The following PTGIS variants were observed in gnomAD, a reference collection of about 807,000 sequenced individuals.
The protein encoded by PTGIS is prostacyclin synthase.
A neutral mutation model predicts 50.3 loss-of-function variants in PTGIS; 45 were observed. The observed-to-expected ratio is 0.90, with a 90% CI of 0.70 to 1.15. The LOEUF (loss-of-function observed/expected upper bound fraction) is 1.15, where lower values mean the gene tolerates loss of function less well. Among genes scored for constraint, PTGIS ranks in the 50% most tolerant of loss-of-function variants. The pLI is 0.00. For missense variants in PTGIS, 668 were observed against 661.3 expected (o/e 1.01, Z -0.11); for synonymous variants, 260 against 267.7 (o/e 0.97, Z 0.28).
At chr20:49,568,002 C>A (rs975043839) in intron 1 of PTGIS, 41 bp downstream of exon 1, 2 of 1,459,108 alleles carry the variant, frequency 1.4e-6, no homozygotes, top group South Asian at 1.3e-5. Flanking sequence ...GCGGGAGCCG[C>A]CCCCTTTGTC....
chr20:49,514,501 C>T (rs1981423531), intron 6 of PTGIS, 106 bp from the exon 7 acceptor site: 2 of 1,311,500 alleles, frequency 1.5e-6, no homozygotes, highest in African/African-American at 1.5e-5. Flanking sequence ...GGCCTGGGTT[C>T]CCACTGCTGC....
chr20:49,538,392 C>T (rs577067701), intron 5 of PTGIS, among the ~76,000 whole-genome samples: 16 of 151,240 alleles, frequency 1.1e-4, no homozygotes, highest in Non-Finnish European at 2.4e-4. Context: ...AGCAAGACTC[C>T]GTCTCAAAAA....
chr20:49,510,672 G>A (rs1601176196), intron 9 of PTGIS, among the ~76,000 whole-genome samples: 1 of 152,216 alleles, frequency 6.6e-6, no homozygotes, highest in South Asian at 2.1e-4. Flanking sequence ...AGTGAAGTTC[G>A]GCCAGTTCCT....
chr20:49,525,810 C>T (rs1473357411), intron 5 of PTGIS, among the ~76,000 whole-genome samples: 2 of 152,146 alleles, frequency 1.3e-5, no homozygotes, highest in African/African-American at 4.8e-5. Context: ...CTCTTCTGAA[C>T]CACAAGCCGT....
intron 6 of PTGIS, among the ~76,000 whole-genome samples, chr20:49,522,171 C>G (rs1018263944): frequency 9.2e-5 from 14 of 152,124 alleles, no homozygotes; most frequent in Non-Finnish European, 1.3e-4. Context: ...TGATCCAACT[C>G]TACTCTGCAA....
intron 6 of PTGIS, among the ~76,000 whole-genome samples, chr20:49,520,222 A>G (rs951697213): frequency 6.6e-6 from 1 of 151,980 alleles, no homozygotes; most frequent in African/African-American, 2.4e-5. Flanking sequence ...ATATATTTAC[A>G]TGGTTCACCC....
At position 49,539,631 on chromosome 20, in the gene PTGIS, G is replaced by A. The variant is rs1982172451; in HGVS notation, c.612C>T (p.Phe204=). 1 of 1,614,074 alleles carries A rather than the reference G, an allele frequency of 6.2e-7. No individual in the cohort carries two copies. Among genetic ancestry groups the A allele is most frequent in the East Asian group, 2.2e-5 (1 of 44,882 alleles). Residue 204 remains phenylalanine, a synonymous_variant, in exon 5 of 10, where the codon TTC becomes TTT. Transcript: ENST00000244043. ...AQDRVHSADV[F]HTFRQLDRLL... ...GCCGGTCGAGCTGGCGAAAGGTGTG[G>A]AAGACATCAGCTGAGTGGACGCGGT...
intron 3 of PTGIS, among the ~76,000 whole-genome samples, chr20:49,546,683 A>G (rs1360817578): frequency 6.6e-6 from 1 of 152,214 alleles, no homozygotes; most frequent in Non-Finnish European, 1.5e-5. Context: ...ACTTTGAGCA[A>G]GTCACTTCAC....
At position 49,507,517 on chromosome 20, in the gene PTGIS, G is replaced by A. The variant is rs569752965; in HGVS notation, c.*403C>T. The A allele has an allele frequency of 5.5e-5, 18 of 325,292 alleles. No homozygotes were observed. The highest frequency in any genetic ancestry group is 2.1e-4 in the African/African-American group (10 of 46,742). 20.2% of individuals were successfully genotyped at this position (325,292 alleles called of 1,614,324 possible). A position where few individuals can be genotyped will look rare whatever the true frequency, so the allele number is the denominator to read the frequency against. On this transcript the variant is annotated 3_prime_UTR_variant, in exon 10 of 10. Coordinates refer to ENST00000244043, the MANE Select transcript of PTGIS (RefSeq NM_000961.4). The stretch of plus-strand genomic sequence containing the variant: ...AGTGGCCTTTCTGTGGCCAGCATCC[G>A]CTTTGACTGGATAAGGCCCGGGCCA...
In PTGIS at chr20:49,538,186, T is replaced by C. The variant is rs117222401; in HGVS notation, c.673+1384A>G. Among the ~76,000 whole-genome samples, 124 of 145,944 alleles carry C rather than the reference T, an allele frequency of 8.5e-4. 2 individuals are homozygous for C. The East Asian group carries it at 0.019, about 22-fold the overall frequency. On this transcript the variant is annotated intron_variant, in intron 5 of 9. Transcript: ENST00000244043. ...GGAAGGATCACTTGATCCCAGGAGATTGAGGCTGCAGTGAGCCGAGATCGC... is the reference window on the plus strand; with the variant it reads ...GGAAGGATCACTTGATCCCAGGAGACTGAGGCTGCAGTGAGCCGAGATCGC...
intron 1 of PTGIS, among the ~76,000 whole-genome samples, chr20:49,560,209 A>G (rs895482073): frequency 6.6e-6 from 1 of 152,144 alleles, no homozygotes; most frequent in African/African-American, 2.4e-5. Flanking sequence ...GGCGTGAGCC[A>G]CCATGCCCGG....
intron 9 of PTGIS, among the ~76,000 whole-genome samples, chr20:49,508,585 C>A (rs1288987943): frequency 3.9e-5 from 6 of 152,156 alleles, no homozygotes; most frequent in Non-Finnish European, 7.4e-5. Flanking sequence ...AGCCCACACA[C>A]TTTGCCGCCT....
chr20:49,534,523 G>A (rs1415223615), intron 5 of PTGIS, among the ~76,000 whole-genome samples: 1 of 152,126 alleles, frequency 6.6e-6, no homozygotes, highest in African/African-American at 2.4e-5. Flanking sequence ...CTCCTCTGGA[G>A]CATCTGTGTG....
intron 4 of PTGIS, among the ~76,000 whole-genome samples, chr20:49,543,562 G>C (rs1982283563): frequency 6.6e-6 from 1 of 152,090 alleles, no homozygotes; most frequent in South Asian, 2.1e-4. Context: ...TTATGCTGTA[G>C]CCACACTGGC....
intron 4 of PTGIS, 77 bp from the exon 5 acceptor site, chr20:49,539,798 T>A (rs541594051): frequency 6.6e-7 from 1 of 1,523,972 alleles, no homozygotes; most frequent in Non-Finnish European, 8.9e-7. Context: ...AAGAGCTTCA[T>A]TCATACACCC....
intron 9 of PTGIS, among the ~76,000 whole-genome samples, chr20:49,509,907 G>T (rs1981268267): frequency 9.7e-6 from 1 of 103,248 alleles, no homozygotes. Flanking sequence ...TTTTTTTCTG[G>T]AGACAGAGTC....
At position 49,563,704 on chromosome 20, in the gene PTGIS, C is replaced by T. The variant is rs754882497; in HGVS notation, c.74+4339G>A. On this transcript the variant is annotated intron_variant, in intron 1 of 9. Transcript: ENST00000244043. ...GTCACGGACCACTGTTGGGTGACCT[C>T]TGGTCAGTGCATGTTAGAATGAGAC... Among the ~76,000 whole-genome samples, 4 of 152,366 alleles carry T rather than the reference C, an allele frequency of 2.6e-5. No homozygotes were observed. In the South Asian group the frequency reaches 8.3e-4, roughly 32 times the overall value.
At chr20:49,567,052 G>A (rs1982917506) in intron 1 of PTGIS, among the ~76,000 whole-genome samples, 1 of 152,118 alleles carries the variant, frequency 6.6e-6, no homozygotes, top group Non-Finnish European at 1.5e-5. Flanking sequence ...AATATGGAAG[G>A]TTCTACCCAG....
intron 6 of PTGIS, among the ~76,000 whole-genome samples, chr20:49,518,991 G>A (rs985366983): frequency 2.6e-5 from 4 of 152,258 alleles, no homozygotes; most frequent in South Asian, 2.1e-4. Context: ...GCCAGATATC[G>A]GGAAGGAAGA....
Sources: gnomAD v4.1 joint callset for allele counts (sites outside exome capture counted in the v4.1 genomes callset) on GRCh38, gnomAD v4.1.1 for gene constraint, MANE v1.5 for transcripts, NCBI Gene and HGNC (gene_info 2026-07-23, HGNC 2026-07-21) for gene names.